Variants in ANKFN1 observed in about 807,000 individuals in gnomAD.
ANKFN1 encodes the protein ankyrin repeat and fibronectin type-III domain-containing protein 1.
A neutral mutation model predicts 108.7 loss-of-function variants in ANKFN1; 74 were observed. That is an observed-to-expected ratio of 0.68 (90% confidence interval 0.56 to 0.83). The LOEUF (loss-of-function observed/expected upper bound fraction) is 0.83. ANKFN1 is among the 40% of genes least tolerant of loss of function. ANKFN1 has a pLI of 0.00. For missense variants in ANKFN1, 1,505 were observed against 1,382.3 expected, an observed-to-expected ratio of 1.09 and a Z score of -1.41; for synonymous variants, 547 against 516.2, an observed-to-expected ratio of 1.06 and a Z score of -0.81.
intron 3 of ANKFN1, among the ~76,000 whole-genome samples, chr17:56,248,695 A>T (rs1248518044): frequency 6.6e-6 from 1 of 152,100 alleles, no homozygotes; most frequent in Non-Finnish European, 1.5e-5. Flanking sequence ...CGCAGAGATT[A>T]CTCTTAATGG....
chr17:56,303,753 C>T (rs1441702512), intron 3 of ANKFN1, among the ~76,000 whole-genome samples: 3 of 151,958 alleles, frequency 2.0e-5, no homozygotes, highest in Non-Finnish European at 4.4e-5. Flanking sequence ...GGCACAATCT[C>T]AGCTCACTGC....
chr17:56,361,618 C>A (rs80251857), intron 6 of ANKFN1, among the ~76,000 whole-genome samples: 1 of 151,892 alleles, frequency 6.6e-6, no homozygotes, highest in Admixed American at 6.6e-5. Flanking sequence ...AATAATTACC[C>A]CCAAACAGCA....
At chr17:56,255,305 C>G (rs1283920018) in intron 3 of ANKFN1, among the ~76,000 whole-genome samples, 2 of 152,084 alleles carry the variant, frequency 1.3e-5, no homozygotes, top group Non-Finnish European at 2.9e-5. Flanking sequence ...AAGTAAGTCT[C>G]AGCTTTTCTC....
intron 8 of ANKFN1, among the ~76,000 whole-genome samples, chr17:56,422,584 C>A (rs1182564285): frequency 6.6e-6 from 1 of 152,112 alleles, no homozygotes; most frequent in South Asian, 2.1e-4. Flanking sequence ...CCAATGTTGG[C>A]AAATGCTTTT....
At chr17:56,447,048 C>A (rs1374952495) in intron 10 of ANKFN1, among the ~76,000 whole-genome samples, 1 of 152,092 alleles carries the variant, frequency 6.6e-6, no homozygotes, top group Non-Finnish European at 1.5e-5. Flanking sequence ...CATGGTGAAA[C>A]CCTGTCTCTA....
chr17:56,085,815 G>A (rs1179996482), intron 4 of ANKFN1, among the ~76,000 whole-genome samples: 1 of 151,292 alleles, frequency 6.6e-6, no homozygotes, highest in Non-Finnish European at 1.5e-5. Context: ...TCTTGAGGGA[G>A]GCAGCTGGTT....
At chr17:56,214,746 C>T (rs575922762) in intron 2 of ANKFN1, among the ~76,000 whole-genome samples, 1 of 152,318 alleles carries the variant, frequency 6.6e-6, no homozygotes, top group East Asian at 1.9e-4. Context: ...CCCTCATTCT[C>T]TCAGACCTCT....
At chr17:56,094,540 G>T (rs1443082202) in intron 4 of ANKFN1, among the ~76,000 whole-genome samples, 1 of 132,430 alleles carries the variant, frequency 7.6e-6, no homozygotes, top group Non-Finnish European at 1.6e-5. Flanking sequence ...CAGGCTGCCA[G>T]GCTGCCAGGC....
At chr17:56,144,568 G>A (rs1179242921) in intron 4 of ANKFN1, among the ~76,000 whole-genome samples, 1 of 152,184 alleles carries the variant, frequency 6.6e-6, no homozygotes, top group Admixed American at 6.5e-5. Flanking sequence ...ATGCTGCAGA[G>A]AATCTGTTGT....
intron 8 of ANKFN1, among the ~76,000 whole-genome samples, chr17:56,410,306 A>G (rs2048052717): frequency 1.3e-5 from 2 of 152,164 alleles, no homozygotes; most frequent in Non-Finnish European, 2.9e-5. Context: ...CATATTGGCC[A>G]GGATGGTCTC....
At chr17:56,323,513 C>T (rs1462372271) in intron 3 of ANKFN1, 1 of 152,594 alleles carries the variant, frequency 6.6e-6, no homozygotes, top group Non-Finnish European at 1.5e-5. Flanking sequence ...GAAGAACATC[C>T]TGTAAAAGTG....
chr17:56,320,973 C>T (rs866923396), intron 3 of ANKFN1, among the ~76,000 whole-genome samples: 9 of 151,352 alleles, frequency 5.9e-5, no homozygotes, highest in South Asian at 2.1e-4. Flanking sequence ...ATTTTGAGAC[C>T]GTTACTTTTA....
intron 4 of ANKFN1, among the ~76,000 whole-genome samples, chr17:56,087,530 T>A (rs1237572419): frequency 6.6e-6 from 1 of 151,218 alleles, no homozygotes; most frequent in Non-Finnish European, 1.5e-5. Flanking sequence ...GCCAGTGGAC[T>A]CCCCTGCACT....
rs535197228 is a variant in ANKFN1 at position 56,200,078 on chromosome 17, A to G, written c.-70-12520A>G. Among the ~76,000 whole-genome samples, 46 of 152,336 alleles carry G rather than the reference A, an allele frequency of 3.0e-4. No individual in the cohort carries two copies. The South Asian group carries it at 7.5e-3, about 25-fold the overall frequency. ...TTAAATGAATTTTCAAAATGCATGA[A>G]TGATGGCAAGCAGATCATCAACTCT... On this transcript the variant is annotated intron_variant, in intron 1 of 20. Transcript: ENST00000682825.
chr17:56,214,751 A>G (rs1304120579), intron 2 of ANKFN1, among the ~76,000 whole-genome samples: 1 of 151,854 alleles, frequency 6.6e-6, no homozygotes, highest in African/African-American at 2.4e-5. Context: ...ATTCTCTCAG[A>G]CCTCTGGAAT....
At chr17:56,188,581 G>GTGTGTGTGTGTATATA (rs1212242378) in intron 1 of ANKFN1, among the ~76,000 whole-genome samples, 13 of 49,648 alleles carry the variant, frequency 2.6e-4, no homozygotes, top group African/African-American at 1.0e-3. Context: ...GTGTGTGTGT[G>GTGTGTGTGTGTATATA]TATATATATA....
intron 1 of ANKFN1, among the ~76,000 whole-genome samples, chr17:56,194,306 T>G (rs1217160818): frequency 6.6e-6 from 1 of 152,184 alleles, no homozygotes; most frequent in Non-Finnish European, 1.5e-5. Flanking sequence ...CACAAAAACC[T>G]GCACATTGAT....
At chr17:56,248,905 C>T (rs1291196314) in intron 3 of ANKFN1, among the ~76,000 whole-genome samples, 3 of 152,122 alleles carry the variant, frequency 2.0e-5, no homozygotes, top group African/African-American at 7.2e-5. Flanking sequence ...CAAAAAGGTC[C>T]ATTATCCAAC....
chr17:56,194,262 G>A (rs1212604156), intron 1 of ANKFN1, among the ~76,000 whole-genome samples: 1 of 152,126 alleles, frequency 6.6e-6, no homozygotes, highest in African/African-American at 2.4e-5. Flanking sequence ...ACACTTCTTG[G>A]TATTTATCCT....
Sources: allele counts gnomAD v4.1 joint callset (sites outside exome capture counted in the v4.1 genomes callset), GRCh38; gene constraint gnomAD v4.1.1; transcripts MANE v1.5; gene names NCBI Gene and HGNC (gene_info 2026-07-23, HGNC 2026-07-21).